Variants in DOK6 observed in about 807,000 individuals in gnomAD.
The protein encoded by DOK6 is downstream of tyrosine kinase 6.
In DOK6, 22 loss-of-function variants were observed where a neutral mutation model predicts 44.0. The observed-to-expected ratio is 0.50, with a 90% CI of 0.36 to 0.71. The LOEUF is 0.71. Among genes scored for constraint, DOK6 ranks in the 30% least tolerant of loss-of-function variants. The probability of loss-of-function intolerance (pLI) is 0.00; values close to 1 mark genes in which losing one functional copy is unlikely to be tolerated. For synonymous variants in DOK6, 166 were observed against 145.5 expected, an observed-to-expected ratio of 1.14 and a Z score of -1.01; for missense variants, 340 against 416.4, an observed-to-expected ratio of 0.82 and a Z score of 1.60.
chr18:69,651,559 G>C (rs1036088298), intron 3 of DOK6, among the ~76,000 whole-genome samples: 23 of 148,160 alleles, frequency 1.6e-4, no homozygotes, highest in Non-Finnish European at 3.0e-4. Context: ...CGCGATCTTG[G>C]CTTGCTGCAA....
chr18:69,476,827 T>C (rs774390211), intron 1 of DOK6, among the ~76,000 whole-genome samples: 13 of 152,196 alleles, frequency 8.5e-5, no homozygotes, highest in Non-Finnish European at 1.8e-4. Context: ...AGAACCCAAT[T>C]GGAAGCATGG....
At chr18:69,774,999 C>T (rs931210755) in intron 7 of DOK6, among the ~76,000 whole-genome samples, 6 of 151,616 alleles carry the variant, frequency 4.0e-5, no homozygotes, top group Non-Finnish European at 8.8e-5. Context: ...GAACAGCAAA[C>T]CAGATTGACA....
At chr18:69,435,618 G>A (rs2122432672) in intron 1 of DOK6, among the ~76,000 whole-genome samples, 1 of 152,308 alleles carries the variant, frequency 6.6e-6, no homozygotes, top group South Asian at 2.1e-4. Context: ...GATGGATACT[G>A]AAGTGGTAAG....
intron 1 of DOK6, among the ~76,000 whole-genome samples, chr18:69,452,169 G>T (rs533335441): frequency 6.6e-6 from 1 of 151,714 alleles, no homozygotes; most frequent in Non-Finnish European, 1.5e-5. Flanking sequence ...TCGCTAGCAA[G>T]ACTAATAAAG....
At chr18:69,795,015 G>T (rs1411762652) in intron 7 of DOK6, among the ~76,000 whole-genome samples, 2 of 152,074 alleles carry the variant, frequency 1.3e-5, no homozygotes, top group Non-Finnish European at 2.9e-5. Flanking sequence ...ATATTACAAT[G>T]TAATAATAGA....
rs1750043961 is a variant in DOK6 at position 69,420,031 on chromosome 18, A to G, written c.66+18721A>G. Among the ~76,000 whole-genome samples, 5 of 152,222 alleles carry G rather than the reference A, an allele frequency of 3.3e-5. No homozygotes were observed. In the South Asian group the frequency reaches 1.0e-3, roughly 32 times the overall value. On this transcript the variant is annotated intron_variant, in intron 1 of 7. Transcript: ENST00000382713. ...CCTAAGAAGTGTTATTCGATGTTTA[A>G]TTTTTACAAACTACATTTTATAACT...
intron 7 of DOK6, among the ~76,000 whole-genome samples, chr18:69,794,740 C>T (rs907102262): frequency 6.6e-6 from 1 of 152,142 alleles, no homozygotes; most frequent in Non-Finnish European, 1.5e-5. Context: ...TATTTGCAGC[C>T]GCTCCCCATC....
intron 1 of DOK6, among the ~76,000 whole-genome samples, chr18:69,484,729 G>C (rs1980526063): frequency 6.6e-6 from 1 of 152,080 alleles, no homozygotes; most frequent in African/African-American, 2.4e-5. Flanking sequence ...ACTCATGCCT[G>C]AGCTAAGCTT....
chr18:69,700,300 C>A (rs1331396642), intron 5 of DOK6, among the ~76,000 whole-genome samples: 1 of 148,614 alleles, frequency 6.7e-6, no homozygotes, highest in Non-Finnish European at 1.5e-5. Flanking sequence ...GCATCATTTA[C>A]CAGCACTACC....
intron 5 of DOK6, among the ~76,000 whole-genome samples, chr18:69,714,452 T>C (rs1986836974): frequency 6.6e-6 from 1 of 152,192 alleles, no homozygotes; most frequent in South Asian, 2.1e-4. Context: ...TTTCTAAATA[T>C]CAGTAACTTG....
chr18:69,420,636 C>T (rs771193708), intron 1 of DOK6, among the ~76,000 whole-genome samples: 8 of 152,136 alleles, frequency 5.3e-5, no homozygotes, highest in Non-Finnish European at 1.0e-4. Context: ...TGCTATCCCT[C>T]ATTTTATACA....
At chr18:69,435,883 C>G (rs1329674132) in intron 1 of DOK6, among the ~76,000 whole-genome samples, 1 of 151,680 alleles carries the variant, frequency 6.6e-6, no homozygotes, top group Non-Finnish European at 1.5e-5. Flanking sequence ...ATGTGCTTTT[C>G]TTTAGATGTA....
At chr18:69,631,818 G>A (rs186671530) in intron 3 of DOK6, among the ~76,000 whole-genome samples, 54 of 152,246 alleles carry the variant, frequency 3.5e-4, no homozygotes, top group African/African-American at 1.2e-3. Context: ...AAATCCAAGC[G>A]CTATCCTCTA....
chr18:69,461,003 A>C (rs967280696), intron 1 of DOK6, among the ~76,000 whole-genome samples: 1 of 152,238 alleles, frequency 6.6e-6, no homozygotes, highest in African/African-American at 2.4e-5. Flanking sequence ...AAACTGAGTT[A>C]CATTTCCCGA....
At chr18:69,421,607 A>G (rs899896365) in intron 1 of DOK6, among the ~76,000 whole-genome samples, 7 of 152,216 alleles carry the variant, frequency 4.6e-5, no homozygotes, top group Non-Finnish European at 7.3e-5. Context: ...TTGATTTGCC[A>G]CAATGAAGGA....
At chr18:69,556,045 C>T (rs138791686) in intron 1 of DOK6, among the ~76,000 whole-genome samples, 86 of 152,274 alleles carry the variant, frequency 5.6e-4, no homozygotes, top group African/African-American at 1.9e-3. Context: ...TCTAATAATA[C>T]ATTTTGCTTT....
intron 6 of DOK6, among the ~76,000 whole-genome samples, chr18:69,745,441 A>G (rs958946946): frequency 6.6e-6 from 1 of 152,218 alleles, no homozygotes; most frequent in African/African-American, 2.4e-5. Flanking sequence ...GGCTCAGACT[A>G]TCTTTTCTTT....
chr18:69,832,695 A>G (rs1448175852), intron 7 of DOK6: 5 of 152,092 alleles, frequency 3.3e-5, no homozygotes, highest in African/African-American at 1.2e-4. Context: ...CTCATTATTC[A>G]TTATGGCCTG....
At chr18:69,762,241 T>C (rs1027536329) in intron 7 of DOK6, among the ~76,000 whole-genome samples, 9 of 152,002 alleles carry the variant, frequency 5.9e-5, no homozygotes, top group Non-Finnish European at 1.2e-4. Context: ...ACTCTGGAGG[T>C]TGAGATGGGA....
Sources: gnomAD v4.1 joint callset for allele counts (sites outside exome capture counted in the v4.1 genomes callset) on GRCh38, gnomAD v4.1.1 for gene constraint, MANE v1.5 for transcripts, NCBI Gene and HGNC (gene_info 2026-07-23, HGNC 2026-07-21) for gene names.